Variants in IRF8 observed in about 807,000 individuals in gnomAD.
IRF8 encodes the protein interferon regulatory factor 8.
IRF8 carries 14 observed loss-of-function variants against 48.7 expected under a neutral mutation model. The observed-to-expected ratio is 0.29, with a 90% confidence interval of 0.19 to 0.45. IRF8 has a LOEUF of 0.45. Among genes scored for constraint, IRF8 ranks in the 20% least tolerant of loss-of-function variants. The pLI, the probability that IRF8 is intolerant of heterozygous loss-of-function variation, is 1.00. For synonymous variants in IRF8, 278 were observed against 227.3 expected (o/e 1.22, Z -2.01); for missense variants, 493 against 580.7 (o/e 0.85, Z 1.55).
At chr16:85,904,530 G>A (rs540304680) in intron 2 of IRF8, among the ~76,000 whole-genome samples, 1 of 152,340 alleles carries the variant, frequency 6.6e-6, no homozygotes, top group Non-Finnish European at 1.5e-5. Context: ...GATGTTTGCA[G>A]TGGGGCTGTG....
intron 2 of IRF8, among the ~76,000 whole-genome samples, chr16:85,904,046 G>A (rs1597249526): frequency 6.6e-6 from 1 of 152,182 alleles, no homozygotes; most frequent in Non-Finnish European, 1.5e-5. Flanking sequence ...CTGGGCTATC[G>A]AATCCCTTGT....
At chr16:85,908,675 T>C (rs760036356) in intron 2 of IRF8, among the ~76,000 whole-genome samples, 6 of 152,242 alleles carry the variant, frequency 3.9e-5, no homozygotes, top group Non-Finnish European at 7.3e-5. Context: ...TCTCCAGCTC[T>C]TCAGCCAGGC....
chr16:85,917,622 A>T (rs1905358012), intron 6 of IRF8, among the ~76,000 whole-genome samples: 2 of 152,244 alleles, frequency 1.3e-5, no homozygotes, highest in South Asian at 2.1e-4. Context: ...TTGACCTCTG[A>T]CAATGCCCTG....
chr16:85,905,834 G>T (rs1355003607), intron 2 of IRF8, among the ~76,000 whole-genome samples: 1 of 152,174 alleles, frequency 6.6e-6, no homozygotes, highest in East Asian at 1.9e-4. Flanking sequence ...TTATGAGTTT[G>T]GTTTCTTCCG....
intron 6 of IRF8, among the ~76,000 whole-genome samples, chr16:85,914,842 C>T (rs958244692): frequency 4.6e-5 from 7 of 151,926 alleles, no homozygotes; most frequent in African/African-American, 9.7e-5. Flanking sequence ...GTGTGGAAGT[C>T]GAGGCCCCAA....
At chr16:85,906,909 G>A (rs1597251003) in intron 2 of IRF8, among the ~76,000 whole-genome samples, 1 of 152,158 alleles carries the variant, frequency 6.6e-6, no homozygotes, top group African/African-American at 2.4e-5. Context: ...AAGGGTCCCA[G>A]CTGATATGTC....
At position 85,921,190 on chromosome 16, in the gene IRF8, C is replaced by T. The variant is rs756665891; in HGVS notation, c.1189C>T (p.Pro397Ser). Residue 397 changes from proline (P) to serine (S), a missense_variant, in exon 9 of 9, where the codon CCG becomes TCG. Around this residue, in one of 3 missense-constraint regions of IRF8, gnomAD observed 408 missense variants for 449.6 expected, o/e 0.91. Transcript: ENST00000268638. ...CTCTGTGATGCAGGCCCCCGAGGAG[C>T]CGCCGCCAGACCAGGTCTTCCGGAT... The part of the protein sequence containing the change: ...AGSVMQAPEE[P>S]PPDQVFRMFP... 1 of 1,614,202 alleles carries T rather than the reference C, an allele frequency of 6.2e-7. No homozygotes were observed. The highest frequency in any genetic ancestry group is 8.5e-7 in the Non-Finnish European group (1 of 1,180,026).
chr16:85,916,548 C>T (rs183374254), intron 6 of IRF8, among the ~76,000 whole-genome samples: 18 of 152,268 alleles, frequency 1.2e-4, no homozygotes, highest in Admixed American at 3.9e-4. Flanking sequence ...TAGCATAAGA[C>T]GTTCTGGGGT....
chr16:85,921,100 A>T lies in IRF8; in HGVS notation c.1105-6A>T, dbSNP rs778862798. 1.2e-6 allele frequency: 2 copies of T among 1,610,790 alleles called. No homozygotes were observed. On this transcript the variant is annotated splice_polypyrimidine_tract_variant and splice_region_variant and intron_variant, in intron 8 of 8. Coordinates refer to ENST00000268638, the MANE Select transcript of IRF8 (RefSeq NM_002163.4). ...CTGCCTCTGACTTTCTGCACCTCCC[A>T]TCTAGATTGAGCAGCTGTATGTCCG...
chr16:85,912,483 C>A (rs949320074), intron 4 of IRF8, among the ~76,000 whole-genome samples: 1 of 152,176 alleles, frequency 6.6e-6, no homozygotes, highest in Non-Finnish European at 1.5e-5. Context: ...ACCCGAACGG[C>A]CTTGCTCTTC....
At chr16:85,905,886 C>T (rs1904985271) in intron 2 of IRF8, among the ~76,000 whole-genome samples, 1 of 152,152 alleles carries the variant, frequency 6.6e-6, no homozygotes, top group African/African-American at 2.4e-5. Context: ...ACCAGAAAAT[C>T]CCTCATTGTC....
chr16:85,903,501 G>A (rs905687177), intron 2 of IRF8: 243 of 382,280 alleles, frequency 6.4e-4, no homozygotes, highest in African/African-American at 4.3e-3. Flanking sequence ...AGACCTTCAC[G>A]CTAAGACCTT....
At position 85,920,185 on chromosome 16, in the gene IRF8, G is replaced by C. The variant is rs200724492; in HGVS notation, c.1065G>C (p.Pro355=). ...TGCTGTGCTTTGGGGAAGAGTTTCC[G>C]GATATGGCCCCCTTGCGCTCCAAAC... is the stretch of plus-strand genomic sequence containing the variant. The part of the protein sequence containing the change: ...RVVLCFGEEF[P]DMAPLRSKLI... The change falls in exon 8 of 9, where the codon CCG becomes CCC. Residue 355 remains proline, a synonymous_variant. Coordinates refer to ENST00000268638, the MANE Select transcript of IRF8 (RefSeq NM_002163.4). The C allele has an allele frequency of 2.5e-6, 4 of 1,613,148 alleles. No homozygotes were observed. Among genetic ancestry groups the C allele is most frequent in the Admixed American group, 1.7e-5 (1 of 59,968 alleles).
chr16:85,911,507 G>C (rs1477948864), intron 3 of IRF8, 63 bp from the exon 4 acceptor site: 2 of 1,326,858 alleles, frequency 1.5e-6, no homozygotes, highest in Non-Finnish European at 2.2e-6. Flanking sequence ...GTAGATTATG[G>C]CTTCAGCAAA....
chr16:85,916,028 C>T (rs1045929913), intron 6 of IRF8, among the ~76,000 whole-genome samples: 4 of 152,032 alleles, frequency 2.6e-5, no homozygotes, highest in African/African-American at 9.7e-5. Flanking sequence ...GGTCCCAAGC[C>T]CTGGGCACAG....
At chr16:85,915,529 G>A (rs1208773446) in intron 6 of IRF8, among the ~76,000 whole-genome samples, 2 of 152,252 alleles carry the variant, frequency 1.3e-5, no homozygotes, top group African/African-American at 2.4e-5. Context: ...TTGAGCTGGG[G>A]GGTTGTTTTC....
At position 85,920,282 on chromosome 16, in the gene IRF8, T is replaced by C. The variant is rs1597257902; in HGVS notation, c.1104+58T>C. ...TTTTTTTTGAGATGGAGTCTTGCTC[T>C]GTTGCCCAGGCTGGTGTGCAATGGC... is the stretch of plus-strand genomic sequence containing the variant. On this transcript the variant is annotated intron_variant, in intron 8 of 8. Coordinates refer to ENST00000268638, the MANE Select transcript of IRF8 (RefSeq NM_002163.4). 3.5e-6 allele frequency: 4 copies of C among 1,136,942 alleles called. No individual in the cohort carries two copies. In the South Asian group the frequency reaches 4.0e-5, roughly 11 times the overall value. The allele number at this position is 1,136,942 out of a possible 1,614,324, so 70.4% of individuals were successfully genotyped here. A position where few individuals can be genotyped will look rare whatever the true frequency, so the allele number is the denominator to read the frequency against.
In IRF8 at chr16:85,921,233, C is replaced by T. The variant is rs1379760258; in HGVS notation, c.1232C>T (p.Ala411Val). 3 of 1,614,168 alleles carry T rather than the reference C, an allele frequency of 1.9e-6. No individual in the cohort carries two copies. The highest frequency in any genetic ancestry group is 2.2e-5 in the East Asian group (1 of 44,884). ...QVFRMFPDIC[A>V]SHQRSFFREN... is the part of the protein sequence containing the mutation. ...TTCCGGATGTTTCCAGATATTTGTG[C>T]CTCACACCAGAGATCATTTTTCAGA... The change falls in exon 9 of 9, where the codon GCC becomes GTC. Residue 411 changes from alanine (A) to valine (V), a missense_variant. This residue lies in a region of IRF8 where 408 missense variants were observed against 449.6 expected (regional missense o/e 0.91). Transcript: ENST00000268638.
At chr16:85,914,706 G>C (rs1905247775) in intron 6 of IRF8, among the ~76,000 whole-genome samples, 186 bp downstream of exon 6, 1 of 151,900 alleles carries the variant, frequency 6.6e-6, no homozygotes, top group Non-Finnish European at 1.5e-5. Flanking sequence ...GCAGGACCTG[G>C]TGTGGAAGTC....
Sources: allele counts gnomAD v4.1 joint callset (sites outside exome capture counted in the v4.1 genomes callset), GRCh38; gene constraint gnomAD v4.1.1; regional missense constraint gnomAD v4.1.1; transcripts MANE v1.5; gene names NCBI Gene and HGNC (gene_info 2026-07-23, HGNC 2026-07-21).